The following RHOBTB1 variants were observed in gnomAD, a reference collection of about 807,000 sequenced individuals.
RHOBTB1 encodes rho-related BTB domain-containing protein 1.
RHOBTB1 carries 40 observed loss-of-function variants against 71.6 expected under a neutral mutation model. The ratio of observed to expected loss-of-function variants is 0.56; its 90% CI spans 0.43 to 0.73. The LOEUF is 0.73. RHOBTB1 is among the 30% of genes least tolerant of loss of function. The pLI, the probability that RHOBTB1 is intolerant of heterozygous loss-of-function variation, is 0.00. For synonymous variants in RHOBTB1, 319 were observed against 334.9 expected, an observed-to-expected ratio of 0.95 and a Z score of 0.52; for missense variants, 797 against 894.0, an observed-to-expected ratio of 0.89 and a Z score of 1.38.
chr10:60,997,926 A>C (rs2087114109), intron 1 of RHOBTB1, among the ~76,000 whole-genome samples: 2 of 152,220 alleles, frequency 1.3e-5, no homozygotes, highest in Admixed American at 6.5e-5. Flanking sequence ...AATGCTGTTT[A>C]TAAGTCAGAA....
Position 60,985,624 on chromosome 10 carries a change from TC to T in RHOBTB1, c.-62+220del, listed in dbSNP as rs200327447. On this transcript the variant is annotated intron_variant, in intron 2 of 11. Transcript: ENST00000357917. ...AAACTCATATGTAGGTCCAAATGAC[TC>T]AAATTCTAAACCAGATAAAATATAT... Among the ~76,000 whole-genome samples the T allele has an allele frequency of 6.4e-3, 971 of 152,316 alleles. 12 individuals are homozygous for T. Among genetic ancestry groups the T allele is most frequent in the African/African-American group, 0.022 (919 of 41,572 alleles).
chr10:60,942,221 T>G (rs77218848), intron 1 of RHOBTB1, among the ~76,000 whole-genome samples: 2 of 152,272 alleles, frequency 1.3e-5, no homozygotes, highest in Admixed American at 1.3e-4. Flanking sequence ...CTATTCAAAA[T>G]AGCATTTTTA....
intron 2 of RHOBTB1, among the ~76,000 whole-genome samples, chr10:60,933,722 C>CAT (rs1333691678): frequency 2.0e-5 from 3 of 151,740 alleles, no homozygotes; most frequent in African/African-American, 7.3e-5. Context: ...AAGGAATGTT[C>CAT]ATCATCATAT....
chr10:60,889,261 C>A, intron 5 of RHOBTB1, 76 bp from the exon 6 acceptor site: 1 of 1,412,882 alleles, frequency 7.1e-7, no homozygotes, highest in African/African-American at 1.4e-5. Flanking sequence ...TATCTAAGCA[C>A]CTAATGGAAC....
At chr10:60,956,298 A>C (rs1013250533) in intron 2 of RHOBTB1, among the ~76,000 whole-genome samples, 1 of 152,212 alleles carries the variant, frequency 6.6e-6, no homozygotes, top group South Asian at 2.1e-4. Flanking sequence ...TAGGGCATTT[A>C]CTAGGAATGG....
chr10:60,940,818 T>A (rs1055078466), intron 2 of RHOBTB1, among the ~76,000 whole-genome samples: 4 of 152,082 alleles, frequency 2.6e-5, no homozygotes, highest in African/African-American at 9.7e-5. Flanking sequence ...TTCCACAGAG[T>A]GGAAAATGCT....
At chr10:60,903,389 T>C (rs1420742352) in intron 4 of RHOBTB1, among the ~76,000 whole-genome samples, 1 of 152,026 alleles carries the variant, frequency 6.6e-6, no homozygotes, top group Admixed American at 6.6e-5. Context: ...CCAACCCCAG[T>C]GAGAGGACCC....
intron 4 of RHOBTB1, among the ~76,000 whole-genome samples, chr10:60,896,088 C>T (rs764574174): frequency 2.6e-5 from 4 of 152,188 alleles, no homozygotes; most frequent in Admixed American, 6.5e-5. Context: ...AAAGAAGGCA[C>T]AAGACCTGCA....
rs2086652850 is a variant in RHOBTB1 at position 60,986,162 on chromosome 10, A to T, written c.-162-217T>A. On this transcript the variant is annotated intron_variant, in intron 1 of 11. Coordinates refer to the RHOBTB1 transcript ENST00000357917. ...TTTGGAGACAGAATATCTGGGGTCA[A>T]ATCGCACTCATAGTTTCCATCTGAG... Among the ~76,000 whole-genome samples, 3 of 152,136 alleles carry T rather than the reference A, an allele frequency of 2.0e-5. No homozygotes were observed. In the South Asian group the frequency reaches 6.2e-4, roughly 32 times the overall value.
intron 2 of RHOBTB1, among the ~76,000 whole-genome samples, chr10:60,934,207 G>A (rs774981515): frequency 3.3e-5 from 5 of 152,140 alleles, no homozygotes; most frequent in Admixed American, 1.3e-4. Flanking sequence ...TTCTCTCTGT[G>A]TACCTTAAGA....
At chr10:60,864,266 A>T in the RHOBTB1 span, among the ~76,000 whole-genome samples, 1 of 152,172 alleles carries the variant, frequency 6.6e-6, no homozygotes, top group African/African-American at 2.4e-5. Context: ...GGTTGTGGGA[A>T]CTAAATGAGA....
chr10:60,886,720 G>GT (rs879589402), intron 6 of RHOBTB1, among the ~76,000 whole-genome samples: 2 of 141,650 alleles, frequency 1.4e-5, no homozygotes, highest in East Asian at 2.5e-4. Flanking sequence ...AGAGATGTGG[G>GT]GGGGGGTGGG....
intron 1 of RHOBTB1, among the ~76,000 whole-genome samples, chr10:60,991,516 T>A (rs2086868174): frequency 2.0e-5 from 3 of 151,270 alleles, no homozygotes; most frequent in Admixed American, 6.6e-5. Flanking sequence ...CTGCAACCTC[T>A]GCCTCCTGGG....
chr10:60,986,866 C>T (rs1353566814), intron 1 of RHOBTB1, among the ~76,000 whole-genome samples: 1 of 152,160 alleles, frequency 6.6e-6, no homozygotes, highest in Non-Finnish European at 1.5e-5. Context: ...ATCCAGCTCT[C>T]CTCCCTTTCT....
At chr10:60,879,093 G>A (rs983020362) in intron 7 of RHOBTB1, among the ~76,000 whole-genome samples, 1 of 152,160 alleles carries the variant, frequency 6.6e-6, no homozygotes, top group Non-Finnish European at 1.5e-5. Flanking sequence ...TACAGAAAAG[G>A]AAATGGAGGT....
intron 2 of RHOBTB1, among the ~76,000 whole-genome samples, chr10:60,917,809 A>G (rs1187193038): frequency 6.6e-6 from 1 of 152,128 alleles, no homozygotes; most frequent in Non-Finnish European, 1.5e-5. Flanking sequence ...ACCCTCCTCC[A>G]TTCCTTGTCT....
chr10:60,865,181 T>G (rs1417469646), downstream of RHOBTB1, among the ~76,000 whole-genome samples: 1 of 152,318 alleles, frequency 6.6e-6, no homozygotes, highest in Non-Finnish European at 1.5e-5. Context: ...GGATGTTTTA[T>G]GTCCAATAAA....
chr10:60,989,496 T>A lies in RHOBTB1; in HGVS notation c.-162-3551A>T, dbSNP rs529898715. ...GAATAAATGTTTACTCAGCCTTATC[T>A]CTCTCCAGTTGCCCGCTAATCTCTC... On this transcript the variant is annotated intron_variant, in intron 1 of 11. Coordinates refer to the RHOBTB1 transcript ENST00000357917. Among the ~76,000 whole-genome samples, 124 of 152,332 alleles carry A rather than the reference T, an allele frequency of 8.1e-4. 2 individuals carry two copies. In the South Asian group the frequency reaches 9.1e-3, roughly 11 times the overall value.
chr10:60,889,927 C>T (rs12249908), intron 5 of RHOBTB1, among the ~76,000 whole-genome samples: 44,658 of 152,068 alleles, frequency 0.29, 6,792 homozygotes, highest in East Asian at 0.58. Context: ...ATCACCTTCA[C>T]CTTTATCAAC....
Sources: gnomAD v4.1 joint callset for allele counts (sites outside exome capture counted in the v4.1 genomes callset) on GRCh38, gnomAD v4.1.1 for gene constraint, MANE v1.5 for transcripts, NCBI Gene and HGNC (gene_info 2026-07-23, HGNC 2026-07-21) for gene names.